LRRC4C: variants seen among roughly 807,000 people sequenced by gnomAD.
The protein encoded by LRRC4C is leucine rich repeat containing 4C, also known as leucine-rich repeat-containing protein 4C.
In LRRC4C, 5 loss-of-function variants were observed where a neutral mutation model predicts 33.6. The ratio of observed to expected loss-of-function variants is 0.15; its 90% CI spans 0.08 to 0.31. The LOEUF (loss-of-function observed/expected upper bound fraction) is 0.31. LRRC4C is among the 10% of genes least tolerant of loss of function. The pLI, the probability that LRRC4C is intolerant of heterozygous loss-of-function variation, is 1.00. For missense variants in LRRC4C, 560 were observed against 796.7 expected, an observed-to-expected ratio of 0.70 and a Z score of 3.58; for synonymous variants, 329 against 302.0, an observed-to-expected ratio of 1.09 and a Z score of -0.93.
chr11:40,546,082 C>A (rs972944218), intron 3 of LRRC4C, among the ~76,000 whole-genome samples: 2 of 57,674 alleles, frequency 3.5e-5, no homozygotes, highest in African/African-American at 6.0e-5. Flanking sequence ...TCCTTCCTTC[C>A]TACCTTCCTT....
At chr11:40,424,550 C>T (rs1300434557) in intron 3 of LRRC4C, among the ~76,000 whole-genome samples, 1 of 151,982 alleles carries the variant, frequency 6.6e-6, no homozygotes, top group East Asian at 1.9e-4. Context: ...TATGTATGCG[C>T]AGGGATTTCT....
intron 1 of LRRC4C, among the ~76,000 whole-genome samples, chr11:41,183,708 C>T (rs1222537211): frequency 6.6e-6 from 1 of 152,210 alleles, no homozygotes; most frequent in Non-Finnish European, 1.5e-5. Context: ...GACAGTGGCC[C>T]TCTTCTCACA....
intron 1 of LRRC4C, among the ~76,000 whole-genome samples, chr11:41,113,704 T>C (rs1031798239): frequency 2.0e-5 from 3 of 152,084 alleles, no homozygotes; most frequent in Admixed American, 1.3e-4. Context: ...CCAAGTTTTC[T>C]TGAGACTACT....
chr11:40,810,460 C>T (rs1473606690), intron 2 of LRRC4C, among the ~76,000 whole-genome samples: 2 of 152,174 alleles, frequency 1.3e-5, no homozygotes, highest in African/African-American at 2.4e-5. Flanking sequence ...TTTTAAATAA[C>T]ATCTGTAAGC....
At chr11:40,485,489 T>A (rs1953812137) in intron 3 of LRRC4C, among the ~76,000 whole-genome samples, 1 of 151,942 alleles carries the variant, frequency 6.6e-6, no homozygotes, top group East Asian at 1.9e-4. Flanking sequence ...AGTAGAGAAA[T>A]GCCATTTCAA....
intron 1 of LRRC4C, among the ~76,000 whole-genome samples, chr11:41,225,337 A>C (rs1396914530): frequency 6.6e-6 from 1 of 152,220 alleles, no homozygotes; most frequent in Non-Finnish European, 1.5e-5. Flanking sequence ...ATCCTTGAGA[A>C]GGTGGATACC....
chr11:41,023,847 C>A (rs369242558), intron 1 of LRRC4C, among the ~76,000 whole-genome samples: 2 of 151,648 alleles, frequency 1.3e-5, no homozygotes. Context: ...CAGAAAAAAA[C>A]AAAAGTTGGA....
intron 1 of LRRC4C, among the ~76,000 whole-genome samples, chr11:41,119,930 AC>A (rs1942337929): frequency 6.6e-6 from 1 of 152,170 alleles, no homozygotes; most frequent in Non-Finnish European, 1.5e-5. Context: ...TTACACAGAA[AC>A]TTTTACCTTC....
At chr11:41,331,191 G>C (rs1266876534) in intron 1 of LRRC4C, among the ~76,000 whole-genome samples, 1 of 152,006 alleles carries the variant, frequency 6.6e-6, no homozygotes, top group African/African-American at 2.4e-5. Flanking sequence ...TCTCCCTCAG[G>C]CTCTGAACAA....
Position 41,395,300 on chromosome 11 carries a change from A to T in LRRC4C, c.-496+64131T>A, listed in dbSNP as rs79566545. 3.0e-3 allele frequency among the ~76,000 whole-genome samples: 460 copies of T among 152,102 alleles called. 1 individual carries two copies. The highest frequency in any genetic ancestry group is 5.7e-3 in the Admixed American group (87 of 15,270). ...GCTTTGTCAGAAAGAGTTGTGTCCT[A>T]GCAAATTTGAGCAATAAGCTCTTAA... On this transcript the variant is annotated intron_variant, in intron 1 of 6. Coordinates refer to ENST00000528697, the MANE Select transcript of LRRC4C (RefSeq NM_001258419.2).
rs73468586 is a variant in LRRC4C at position 41,033,365 on chromosome 11, C to T, written c.-495-99642G>A. Among the ~76,000 whole-genome samples, 1,263 of 152,016 alleles carry T rather than the reference C, an allele frequency of 8.3e-3. 23 individuals carry two copies. The highest frequency in any genetic ancestry group is 0.029 in the African/African-American group (1,218 of 41,484). On this transcript the variant is annotated intron_variant, in intron 1 of 6. Transcript: ENST00000528697. The stretch of plus-strand genomic sequence containing the variant: ...GCAAAACTAGTCAATATAAAAGAAA[C>T]GGGTCAATAAGGAAGGAATCAGAAC...
intron 2 of LRRC4C, among the ~76,000 whole-genome samples, chr11:40,846,336 A>T (rs2135700911): frequency 6.6e-6 from 1 of 152,236 alleles, no homozygotes; most frequent in Admixed American, 6.5e-5. Context: ...TCTTTAATCC[A>T]TCTTAAGTTA....
At chr11:41,385,295 C>A (rs1953315843) in intron 1 of LRRC4C, among the ~76,000 whole-genome samples, 1 of 151,522 alleles carries the variant, frequency 6.6e-6, no homozygotes, top group Non-Finnish European at 1.5e-5. Context: ...CCAAATACTG[C>A]AGAATATACT....
At chr11:40,651,366 G>T (rs532645620) in intron 2 of LRRC4C, among the ~76,000 whole-genome samples, 2 of 151,866 alleles carry the variant, frequency 1.3e-5, no homozygotes, top group South Asian at 4.2e-4. Flanking sequence ...GGGGAGAGGA[G>T]AGAGAGAGAG....
chr11:40,938,546 A>G (rs534122453), intron 1 of LRRC4C, among the ~76,000 whole-genome samples: 7 of 152,270 alleles, frequency 4.6e-5, no homozygotes, highest in African/African-American at 1.4e-4. Context: ...TGTTGTATAA[A>G]TGTATTTGAA....
intron 1 of LRRC4C, among the ~76,000 whole-genome samples, chr11:41,027,123 C>A (rs1856430444): frequency 6.6e-6 from 1 of 151,584 alleles, no homozygotes; most frequent in African/African-American, 2.4e-5. Context: ...TAACCTAGAT[C>A]ACAGGGGATA....
At chr11:40,791,576 G>A (rs1950622813) in intron 2 of LRRC4C, among the ~76,000 whole-genome samples, 1 of 152,194 alleles carries the variant, frequency 6.6e-6, no homozygotes, top group Non-Finnish European at 1.5e-5. Flanking sequence ...AGGACAAAGA[G>A]AGGGGTTAGG....
intron 1 of LRRC4C, among the ~76,000 whole-genome samples, chr11:41,302,999 C>T (rs1394177245): frequency 6.6e-6 from 1 of 152,080 alleles, no homozygotes; most frequent in Non-Finnish European, 1.5e-5. Flanking sequence ...CAATACTGGT[C>T]CTGTCTTTAT....
intron 1 of LRRC4C, among the ~76,000 whole-genome samples, chr11:41,316,284 AAAAAAC>A (rs1447465412): frequency 1.3e-5 from 2 of 151,164 alleles, no homozygotes; most frequent in African/African-American, 4.9e-5. Flanking sequence ...AAAAAACAAA[AAAAAAC>A]AAACATGAGC....
Sources: allele counts gnomAD v4.1 joint callset (sites outside exome capture counted in the v4.1 genomes callset), GRCh38; gene constraint gnomAD v4.1.1; transcripts MANE v1.5; gene names NCBI Gene and HGNC (gene_info 2026-07-23, HGNC 2026-07-21).